Variants in ZNF48 observed in about 807,000 individuals in gnomAD.
The protein encoded by ZNF48 is zinc finger protein 48, also known as zinc finger protein 553.
Under a neutral mutation model 40.0 loss-of-function variants are expected in ZNF48, and 20 were observed. The ratio of observed to expected loss-of-function variants is 0.50; its 90% CI spans 0.35 to 0.73. The LOEUF (loss-of-function observed/expected upper bound fraction) is 0.73. Among genes scored for constraint, ZNF48 ranks in the 30% least tolerant of loss-of-function variants. The pLI, the probability that ZNF48 is intolerant of heterozygous loss-of-function variation, is 0.01. For missense variants in ZNF48, 726 were observed against 851.9 expected (o/e 0.85, Z 1.84); for synonymous variants, 298 against 329.7 (o/e 0.90, Z 1.04).
At chr16:30,391,963 A>T (rs2049945516), upstream of ZNF48, among the ~76,000 whole-genome samples, 1 of 151,294 alleles carries the variant, frequency 6.6e-6, no homozygotes, top group Non-Finnish European at 1.5e-5. Context: ...TCAGCCTCCC[A>T]AGTAGCTGGG....
At chr16:30,378,695 A>G (rs981559339) in intron 1 of ZNF48, 4 of 1,606,856 alleles carry the variant, frequency 2.5e-6, no homozygotes, top group African/African-American at 2.7e-5. Context: ...CTGGCGGGAA[A>G]GCTTACTGCG....
At chr16:30,394,411 G>A (rs1316139095), upstream of ZNF48, 1 of 152,234 alleles carries the variant, frequency 6.6e-6, no homozygotes, top group East Asian at 1.9e-4. Context: ...AGCCCGCCCA[G>A]AGAGCGGATA....
rs1464479322 is a variant in ZNF48, at chr16:30,381,513, C to T, written c.-16+3103C>T. The T allele has an allele frequency of 5.0e-6, 8 of 1,611,432 alleles. No individual in the cohort carries two copies. The highest frequency in any genetic ancestry group is 6.8e-6 in the Non-Finnish European group (8 of 1,178,150). ...AGGATGTGAGGTCAGAGATCAAAGG[C>T]CAGAGGGCAGGGGGCAAGGCTAGCC... On this transcript the variant is annotated intron_variant, in intron 1 of 2. Transcript: ENST00000528032. This position sits in a 1 kb window ranked among gnomAD's most constrained non-coding sequence, Gnocchi z 4.3.
In ZNF48 at chr16:30,382,626, G is replaced by A; in HGVS notation, c.-16+4216G>A. 1 of 1,545,848 alleles carries A rather than the reference G, an allele frequency of 6.5e-7. No homozygotes were observed. On this transcript the variant is annotated intron_variant, in intron 1 of 2. Transcript: ENST00000528032. This position sits in a 1 kb window ranked among gnomAD's most constrained non-coding sequence, Gnocchi z 4.8. The stretch of plus-strand genomic sequence containing the variant: ...AACAAGGGGGCGGGCAGAAGAGGCA[G>A]CTGAGATGCTCAAACTGGCCCAGTC...
chr16:30,378,625 G>T, intron 1 of ZNF48: 1 of 1,611,436 alleles, frequency 6.2e-7, no homozygotes. Context: ...CGTCTTTCTC[G>T]CGGATCAGCT....
Position 30,381,824 on chromosome 16 carries a change from C to T in ZNF48, c.-16+3414C>T. ...TCCACAAGGGTCAGCTTCACTTTCACACCCCCTTCCTCAATCTCTACGCCC... is the reference window on the plus strand; with the variant it reads ...TCCACAAGGGTCAGCTTCACTTTCATACCCCCTTCCTCAATCTCTACGCCC... On this transcript the variant is annotated intron_variant, in intron 1 of 2. Transcript: ENST00000528032. This position sits in a 1 kb window ranked among gnomAD's most constrained non-coding sequence, Gnocchi z 4.3. The T allele has an allele frequency of 6.2e-7, 1 of 1,614,198 alleles. No individual in the cohort carries two copies. Among genetic ancestry groups the T allele is most frequent in the African/African-American group, 1.3e-5 (1 of 75,048 alleles).
At position 30,382,113 on chromosome 16, in the gene ZNF48, C is replaced by T. The variant is rs746174841; in HGVS notation, c.-16+3703C>T. On this transcript the variant is annotated intron_variant, in intron 1 of 2. Transcript: ENST00000528032. The surrounding 1 kb of genome is among the most constrained non-coding windows in gnomAD (Gnocchi z 4.8). ...CTTACCACTGGCCTCTGGCACCTGG[C>T]GATCCTCATAGAGGTTGGTGAGGAA... 7 of 1,582,624 alleles carry T rather than the reference C, an allele frequency of 4.4e-6. No individual in the cohort carries two copies. Among genetic ancestry groups the T allele is most frequent in the Non-Finnish European group, 3.4e-6 (4 of 1,163,962 alleles).
chr16:30,379,954 T>A, intron 1 of ZNF48: 1 of 1,581,480 alleles, frequency 6.3e-7, no homozygotes, highest in Non-Finnish European at 8.7e-7. Context: ...ATCCTGCCTC[T>A]TGAAGTCTTC....
In ZNF48 at chr16:30,382,321, G is replaced by A. The variant is rs748260170; in HGVS notation, c.-16+3911G>A. 1 of 1,613,862 alleles carries A rather than the reference G, an allele frequency of 6.2e-7. No homozygotes were observed. The highest frequency in any genetic ancestry group is 1.7e-5 in the Admixed American group (1 of 59,994). On this transcript the variant is annotated intron_variant, in intron 1 of 2. Transcript: ENST00000528032. This position sits in a 1 kb window ranked among gnomAD's most constrained non-coding sequence, Gnocchi z 4.8. ...CAAACCCCTTCTTGACAGACTTGCG[G>A]TGCAGCTGGTTGGGGAGGGCAGCAA... is the stretch of plus-strand genomic sequence containing the variant.
intron 1 of ZNF48, among the ~76,000 whole-genome samples, chr16:30,390,188 T>G (rs1444972324): frequency 1.3e-5 from 2 of 152,058 alleles, no homozygotes; most frequent in Non-Finnish European, 2.9e-5. Flanking sequence ...CTTGCATCCC[T>G]TGAGGGACTT....
chr16:30,392,728 C>A (rs566811378), upstream of ZNF48, among the ~76,000 whole-genome samples: 1 of 152,276 alleles, frequency 6.6e-6, no homozygotes, highest in East Asian at 1.9e-4. Context: ...AAGAACCACA[C>A]TCTGCATAAA....
At chr16:30,392,080 T>G (rs2049946547), upstream of ZNF48, among the ~76,000 whole-genome samples, 1 of 152,234 alleles carries the variant, frequency 6.6e-6, no homozygotes, top group Admixed American at 6.5e-5. Context: ...TGGAGCGCAG[T>G]GGCGCGATCT....
chr16:30,378,476 C>T (rs1211314160), intron 1 of ZNF48: 1 of 1,576,388 alleles, frequency 6.3e-7, no homozygotes, highest in Admixed American at 1.9e-5. Context: ...GGCTCTGCTG[C>T]ATTTGGGCCT....
chr16:30,398,696 T>C lies in ZNF48; in HGVS notation c.1446T>C (p.Pro482=). Reference sequence around the variant, plus strand: ...CAGGGGAGAAACCCTACCTCTGTCCTGAATGCGGCAAGGGTTTTGCTGACA... The same window carrying C: ...CAGGGGAGAAACCCTACCTCTGTCCCGAATGCGGCAAGGGTTTTGCTGACA... ...VHTGEKPYLC[P]ECGKGFADSS... The change falls in exon 3 of 3, where the codon CCT becomes CCC. Residue 482 remains proline (P), a synonymous_variant. Coordinates refer to ENST00000613509, the MANE Select transcript of ZNF48 (RefSeq NM_001214909.2). This position sits in a 1 kb window ranked among gnomAD's most constrained non-coding sequence, Gnocchi z 6.6. 1 of 1,604,254 alleles carries C rather than the reference T, an allele frequency of 6.2e-7. No homozygotes were observed. The highest frequency in any genetic ancestry group is 1.7e-5 in the Admixed American group (1 of 58,406).
chr16:30,393,532 G>A (rs59324423), upstream of ZNF48, among the ~76,000 whole-genome samples: 834 of 145,340 alleles, frequency 5.7e-3, 10 homozygotes, highest in African/African-American at 0.02. Flanking sequence ...TTACAGGCCC[G>A]TGCCACCACG....
Position 30,381,024 on chromosome 16 carries a change from G to C in ZNF48, c.-16+2614G>C. 1 of 933,588 alleles carries C rather than the reference G, an allele frequency of 1.1e-6. No homozygotes were observed. Among genetic ancestry groups the C allele is most frequent in the Non-Finnish European group, 1.8e-6 (1 of 568,286 alleles). 57.8% of individuals were successfully genotyped at this position (933,588 alleles called of 1,614,324 possible). A position where few individuals can be genotyped will look rare whatever the true frequency, so the allele number is the denominator to read the frequency against. On this transcript the variant is annotated intron_variant, in intron 1 of 2. Transcript: ENST00000528032. This position sits in a 1 kb window ranked among gnomAD's most constrained non-coding sequence, Gnocchi z 4.3. Reference sequence around the variant, plus strand: ...AGAAGCTTCTCCTACAATCTAGCCTGATGCACCATGCTCCAGAAAGGCCAC... The same window carrying C: ...AGAAGCTTCTCCTACAATCTAGCCTCATGCACCATGCTCCAGAAAGGCCAC...
chr16:30,378,464 C>T (rs1299697808), intron 1 of ZNF48: 1 of 1,575,102 alleles, frequency 6.3e-7, no homozygotes, highest in Admixed American at 1.9e-5. Flanking sequence ...CGCCCTGGGC[C>T]TGGCTCTGCT....
At chr16:30,394,344 C>T (rs2049963472), upstream of ZNF48, among the ~76,000 whole-genome samples, 1 of 152,166 alleles carries the variant, frequency 6.6e-6, no homozygotes, top group Non-Finnish European at 1.5e-5. Flanking sequence ...GTTACCCCCA[C>T]CATCATTGGC....
Position 30,395,597 on chromosome 16 carries a change from C to G in ZNF48, c.-16+19C>G, listed in dbSNP as rs2049975332. On this transcript the variant is annotated intron_variant, in intron 1 of 2. Transcript: ENST00000613509. This position sits in a 1 kb window ranked among gnomAD's most constrained non-coding sequence, Gnocchi z 5.9. Reference sequence around the variant, plus strand: ...CGGCAAGGTGAGAGCGGCGGCTGCGCGCTGGGAGGAGCAGCAGGTGCAGGG... The same window carrying G: ...CGGCAAGGTGAGAGCGGCGGCTGCGGGCTGGGAGGAGCAGCAGGTGCAGGG... The G allele has an allele frequency of 3.9e-6, 1 of 256,666 alleles. No individual in the cohort carries two copies. Among genetic ancestry groups the G allele is most frequent in the Non-Finnish European group, 6.8e-6 (1 of 147,790 alleles). 15.9% of individuals were successfully genotyped at this position (256,666 alleles called of 1,614,324 possible).
Sources: allele counts gnomAD v4.1 joint callset (sites outside exome capture counted in the v4.1 genomes callset), GRCh38; gene constraint gnomAD v4.1.1; non-coding constraint Gnocchi (gnomAD v3.1); transcripts MANE v1.5; gene names NCBI Gene and HGNC (gene_info 2026-07-23, HGNC 2026-07-21).